RCL1: variants seen among roughly 807,000 people sequenced by gnomAD.
RCL1 encodes RNA terminal phosphate cyclase like 1.
RCL1 carries 24 observed loss-of-function variants against 42.4 expected under a neutral mutation model. The ratio of observed to expected loss-of-function variants is 0.57; its 90% CI spans 0.41 to 0.80. The LOEUF is 0.80. RCL1 is among the 30% of genes least tolerant of loss of function. The probability of loss-of-function intolerance (pLI) is 0.00; values close to 1 mark genes in which losing one functional copy is unlikely to be tolerated. For missense variants in RCL1, 578 were observed against 467.9 expected (o/e 1.24, Z -2.17); for synonymous variants, 228 against 177.3 (o/e 1.29, Z -2.27).
At chr9:4,857,841 G>T (rs1818014606) in intron 8 of RCL1, among the ~76,000 whole-genome samples, 1 of 150,186 alleles carries the variant, frequency 6.7e-6, no homozygotes, top group African/African-American at 2.5e-5. Context: ...CAGTGGTTTT[G>T]ATTTTCACTT....
At chr9:4,815,270 G>T (rs1816330058) in intron 1 of RCL1, among the ~76,000 whole-genome samples, 1 of 152,046 alleles carries the variant, frequency 6.6e-6, no homozygotes, top group Non-Finnish European at 1.5e-5. Context: ...ATGATTTCCT[G>T]TAAGTCTTGT....
chr9:4,826,961 C>A lies in RCL1; in HGVS notation c.312C>A (p.Cys104Ter), dbSNP rs41314197. The change falls in exon 3 of 9, where the codon TGC (cysteine) becomes TGA (stop). Residue 104 changes from cysteine to a stop codon, truncating the protein, a stop_gained. Transcript: ENST00000381750. LOFTEE classifies it high-confidence loss of function. The part of the protein sequence containing the change: ...GIGYYLESLL[C>*]LAPFMKHPLK... ...GGTATTACCTGGAGAGTCTTCTTTG[C>A]TTGGCTCCATTTATGAAGCACCCGT... The A allele has an allele frequency of 6.2e-7, 1 of 1,614,142 alleles. No individual in the cohort carries two copies. The highest frequency in any genetic ancestry group is 1.1e-5 in the South Asian group (1 of 91,084).
intron 6 of RCL1, among the ~76,000 whole-genome samples, chr9:4,842,888 T>G (rs1272796907): frequency 6.6e-6 from 1 of 152,236 alleles, no homozygotes; most frequent in Non-Finnish European, 1.5e-5. Flanking sequence ...TGTCCTGGCA[T>G]GAAGCAGAGC....
chr9:4,816,377 A>G (rs993874617), intron 1 of RCL1, among the ~76,000 whole-genome samples: 1 of 152,216 alleles, frequency 6.6e-6, no homozygotes, highest in Non-Finnish European at 1.5e-5. Context: ...ATGAAGATAC[A>G]TTCTCTGTGA....
chr9:4,825,705 A>G (rs1212760947), intron 2 of RCL1, among the ~76,000 whole-genome samples: 2 of 152,146 alleles, frequency 1.3e-5, no homozygotes, highest in African/African-American at 4.8e-5. Flanking sequence ...CCCCTATGTC[A>G]TTTACAGTTT....
At chr9:4,829,286 G>A (rs1241180186) in intron 3 of RCL1, among the ~76,000 whole-genome samples, 1 of 152,156 alleles carries the variant, frequency 6.6e-6, no homozygotes, top group Non-Finnish European at 1.5e-5. Context: ...GACTAGCTTG[G>A]GCATTATGGA....
rs147278558 is a variant in RCL1, at chr9:4,830,893, G to A, written c.385-2261G>A. Among the ~76,000 whole-genome samples, 756 of 152,238 alleles carry A rather than the reference G, an allele frequency of 5.0e-3. 5 individuals carry two copies. The highest frequency in any genetic ancestry group is 0.018 in the African/African-American group (734 of 41,536). ...TGCCCTGAGCTGCCACTTAGGGTTTGATCTTTGCCTTTTCTCTCTGACCGC... is the reference window on the plus strand; with the variant it reads ...TGCCCTGAGCTGCCACTTAGGGTTTAATCTTTGCCTTTTCTCTCTGACCGC... On this transcript the variant is annotated intron_variant, in intron 3 of 8. Transcript: ENST00000381750.
intron 1 of RCL1, among the ~76,000 whole-genome samples, chr9:4,797,312 G>T (rs796345166): frequency 3.9e-5 from 6 of 152,286 alleles, no homozygotes; most frequent in African/African-American, 1.4e-4. Context: ...AACCCACTGG[G>T]TATAGGTCTG....
At chr9:4,797,117 T>G (rs930843364) in intron 1 of RCL1, among the ~76,000 whole-genome samples, 6 of 152,210 alleles carry the variant, frequency 3.9e-5, no homozygotes, top group African/African-American at 1.4e-4. Flanking sequence ...CTCTTGGTCC[T>G]TGGGCAAATT....
intron 3 of RCL1, among the ~76,000 whole-genome samples, chr9:4,831,795 G>C (rs1332843317): frequency 6.6e-6 from 1 of 152,172 alleles, no homozygotes. Flanking sequence ...TCCTAAGTCT[G>C]GTATTTTTCT....
At chr9:4,855,883 C>T (rs907053130) in intron 8 of RCL1, among the ~76,000 whole-genome samples, 3 of 152,178 alleles carry the variant, frequency 2.0e-5, no homozygotes, top group Non-Finnish European at 4.4e-5. Context: ...GGCCTGCACA[C>T]TTGAGCCTGT....
chr9:4,856,760 A>G (rs1411048427), intron 8 of RCL1, among the ~76,000 whole-genome samples: 2 of 152,360 alleles, frequency 1.3e-5, no homozygotes, highest in East Asian at 1.9e-4. Flanking sequence ...GTGGAAGGAA[A>G]GCAAGGAATT....
intron 1 of RCL1, among the ~76,000 whole-genome samples, chr9:4,806,030 G>GTGTGTGTGTT (rs1554636242): frequency 1.9e-4 from 26 of 140,482 alleles, no homozygotes; most frequent in Non-Finnish European, 2.8e-4. Flanking sequence ...GTGTGTGTGT[G>GTGTGTGTGTT]TGTGTGTGTG....
intron 8 of RCL1, among the ~76,000 whole-genome samples, chr9:4,858,429 C>T (rs373983453): frequency 2.7e-4 from 41 of 152,162 alleles, no homozygotes; most frequent in African/African-American, 8.7e-4. Context: ...GTTAAGAAAC[C>T]GTTGCCTAGC....
intron 3 of RCL1, among the ~76,000 whole-genome samples, chr9:4,832,637 G>A (rs1051651943): frequency 1.4e-4 from 21 of 151,448 alleles, no homozygotes; most frequent in Non-Finnish European, 2.1e-4. Flanking sequence ...GTGAAACCCC[G>A]TCTCTACTAA....
At chr9:4,803,512 G>A (rs1160771029) in intron 1 of RCL1, among the ~76,000 whole-genome samples, 2 of 152,012 alleles carry the variant, frequency 1.3e-5, no homozygotes, top group Non-Finnish European at 2.9e-5. Flanking sequence ...TCACCTGCTT[G>A]GTGTTTTCTA....
intron 6 of RCL1, among the ~76,000 whole-genome samples, chr9:4,842,171 C>T (rs562984469): frequency 1.3e-5 from 2 of 152,228 alleles, no homozygotes; most frequent in Admixed American, 1.3e-4. Flanking sequence ...GGCATCATTT[C>T]ACTTCACATC....
At chr9:4,828,859 T>A (rs762871136) in intron 3 of RCL1, among the ~76,000 whole-genome samples, 11 of 152,232 alleles carry the variant, frequency 7.2e-5, no homozygotes, top group Non-Finnish European at 1.3e-4. Context: ...TAGGAGTATC[T>A]GCTTTTGCCA....
At chr9:4,825,906 G>A (rs1354373304) in intron 2 of RCL1, among the ~76,000 whole-genome samples, 3 of 151,636 alleles carry the variant, frequency 2.0e-5, no homozygotes, top group Non-Finnish European at 2.9e-5. Flanking sequence ...AGACTAGCCT[G>A]GGCAATATAG....
Sources: gnomAD v4.1 joint callset for allele counts (sites outside exome capture counted in the v4.1 genomes callset) on GRCh38, gnomAD v4.1.1 for gene constraint, MANE v1.5 for transcripts, NCBI Gene and HGNC (gene_info 2026-07-23, HGNC 2026-07-21) for gene names.